The following TKTL1 variants were observed in gnomAD, a reference collection of about 807,000 sequenced individuals.
The protein encoded by TKTL1 is transketolase-like protein 1.
TKTL1 carries 1 observed loss-of-function variant against 39.3 expected under a neutral mutation model. That is an observed-to-expected ratio of 0.03 (90% CI 0.01 to 0.12). The LOEUF is 0.12. Ranked by LOEUF, TKTL1 falls within the 10% of genes least tolerant of loss-of-function variation. The pLI is 1.00. For synonymous variants in TKTL1, 262 were observed against 193.8 expected, an observed-to-expected ratio of 1.35 and a Z score of -2.92; for missense variants, 575 against 509.6, an observed-to-expected ratio of 1.13 and a Z score of -1.24.
chrX:154,307,255 G>A (rs782604814), intron 2 of TKTL1, among the ~76,000 whole-genome samples: 1 of 111,831 alleles, frequency 8.9e-6, no homozygotes, highest in South Asian at 3.7e-4. Context: ...TATAACAGCT[G>A]CTATCAGAGC....
At chrX:154,299,149 C>CTTTTTT (rs1180562974) in intron 1 of TKTL1, among the ~76,000 whole-genome samples, 3 of 35,921 alleles carry the variant, frequency 8.4e-5, no homozygotes, top group East Asian at 8.1e-4. Context: ...CTTTTTCTTT[C>CTTTTTT]TTTTTTTTTT....
chrX:154,310,160 G>C (rs781825388), intron 3 of TKTL1, among the ~76,000 whole-genome samples: 1 of 111,938 alleles, frequency 8.9e-6, no homozygotes, highest in Admixed American at 9.4e-5. Flanking sequence ...TGTAAGAACA[G>C]AACTAGCAGG....
intron 6 of TKTL1, among the ~76,000 whole-genome samples, chrX:154,313,819 A>G (rs1557168861): frequency 1.8e-5 from 2 of 109,539 alleles, no homozygotes; most frequent in Non-Finnish European, 3.8e-5. Flanking sequence ...ATATGGTTCC[A>G]GGTACTCTGG....
intron 1 of TKTL1, among the ~76,000 whole-genome samples, chrX:154,296,682 G>A (rs1301504646): frequency 2.7e-5 from 3 of 111,130 alleles, no homozygotes; most frequent in Non-Finnish European, 5.7e-5. Context: ...AAAGTGTAAT[G>A]CTGGCTTCAT....
chrX:154,321,644 C>T (rs1250051565), intron 8 of TKTL1, among the ~76,000 whole-genome samples: 1 of 107,915 alleles, frequency 9.3e-6, no homozygotes, highest in African/African-American at 3.4e-5. Context: ...GAGTCATTTT[C>T]GTGAATGACA....
chrX:154,326,511 C>T (rs1480276625), intron 10 of TKTL1, among the ~76,000 whole-genome samples: 1 of 112,489 alleles, frequency 8.9e-6, no homozygotes, highest in Non-Finnish European at 1.9e-5. Context: ...AAGGACTAGG[C>T]TGCTCCAGAA....
intron 6 of TKTL1, among the ~76,000 whole-genome samples, chrX:154,314,072 A>G (rs1459729650): frequency 3.6e-5 from 4 of 111,853 alleles, no homozygotes; most frequent in African/African-American, 1.3e-4. Context: ...AAAAACCTTA[A>G]ATGGATCAAT....
At chrX:154,327,362 C>T (rs782299805) in intron 10 of TKTL1, 1 of 548,001 alleles carries the variant, frequency 1.8e-6, no homozygotes, top group East Asian at 3.5e-5. Context: ...AAACCAGACT[C>T]CTGATGGGTA....
rs782663705 is a variant in TKTL1 at position 154,312,707 on chromosome X, C to A, written c.798C>A (p.Asp266Glu). ...TTGACCCACAGCCCCCCATTGAGGACTCACCTGAAGTCAACATCACAGATG... is the reference window on the plus strand; with the variant it reads ...TTGACCCACAGCCCCCCATTGAGGAATCACCTGAAGTCAACATCACAGATG... ...RNLDPQPPIE[D>E]SPEVNITDVR... Residue 266 changes from aspartate to glutamate, a missense_variant, in exon 6 of 13, where the codon GAC (aspartate) becomes GAA (glutamate). Asp to Glu is a conservative substitution (Grantham distance 45, BLOSUM62 2). Coordinates refer to ENST00000369915, the MANE Select transcript of TKTL1 (RefSeq NM_012253.4). 4 of 1,209,848 alleles carry A rather than the reference C, an allele frequency of 3.3e-6. No individual in the cohort carries two copies. The Admixed American group carries it at 8.8e-5, about 26-fold the overall frequency.
chrX:154,328,916 C>G (rs1276475273), intron 12 of TKTL1, among the ~76,000 whole-genome samples: 2 of 112,276 alleles, frequency 1.8e-5, no homozygotes, highest in East Asian at 5.6e-4. Context: ...CCAGCCTCCC[C>G]TTGGCCCCAC....
At chrX:154,313,656 C>T (rs2067375144) in intron 6 of TKTL1, among the ~76,000 whole-genome samples, 1 of 111,234 alleles carries the variant, frequency 9.0e-6, no homozygotes, top group African/African-American at 3.3e-5. Context: ...AAAGGGTGGG[C>T]CAGGCACAGT....
At position 154,323,217 on chromosome X, in the gene TKTL1, T is replaced by G. The variant is rs1557171260; in HGVS notation, c.1197T>G (p.Gly399=). 5.0e-6 allele frequency: 6 copies of G among 1,208,949 alleles called. No homozygotes were observed. In the Admixed American group the frequency reaches 1.1e-4, roughly 22 times the overall value. ...SHCGVSVGDD[G]ASQMALEDIA... ...CTCTGGTTCTCTCAGGTGACGATGG[T>G]GCTTCCCAGATGGCCCTGGAGGATA... is the stretch of plus-strand genomic sequence containing the variant. Residue 399 remains glycine (G), a synonymous_variant, in exon 9 of 13, where the codon GGT becomes GGG. Coordinates refer to ENST00000369915, the MANE Select transcript of TKTL1 (RefSeq NM_012253.4).
chrX:154,308,263 G>C (rs1475080829), intron 2 of TKTL1, among the ~76,000 whole-genome samples: 2 of 111,979 alleles, frequency 1.8e-5, no homozygotes, highest in Non-Finnish European at 3.8e-5. Flanking sequence ...AGAGTGAGCT[G>C]TGCCCACATC....
At position 154,315,323 on chromosome X, in the gene TKTL1, G is replaced by T. The variant is rs781989990; in HGVS notation, c.1015G>T (p.Ala339Ser). 1 of 1,209,896 alleles carries T rather than the reference G, an allele frequency of 8.3e-7. No individual in the cohort carries two copies. Among genetic ancestry groups the T allele is most frequent in the South Asian group, 1.8e-5 (1 of 56,693 alleles). Reference protein sequence around the residue: ...YPERFIECFMAEQNMVSVALG... With the variant: ...YPERFIECFMSEQNMVSVALG... ...TGAGCGCTTCATCGAGTGCTTTATGGCTGAACAAAACATGGTGAGTGTGTA... is the reference window on the plus strand; with the variant it reads ...TGAGCGCTTCATCGAGTGCTTTATGTCTGAACAAAACATGGTGAGTGTGTA... Residue 339 changes from alanine (A) to serine (S), a missense_variant, in exon 7 of 13, where the codon GCT becomes TCT. Physicochemically the swap from Ala to Ser is moderately conservative, Grantham distance 99. Transcript: ENST00000369915.
intron 1 of TKTL1, among the ~76,000 whole-genome samples, chrX:154,300,608 G>T (rs1325235834): frequency 8.9e-6 from 1 of 111,940 alleles, no homozygotes. Flanking sequence ...CTACTGATTT[G>T]TGTGCATTTA....
chrX:154,318,454 CT>C, intron 7 of TKTL1, among the ~76,000 whole-genome samples: 1 of 107,981 alleles, frequency 9.3e-6, no homozygotes, highest in South Asian at 4.1e-4. Context: ...AATCCCAGCA[CT>C]TTGGGAGGCC....
chrX:154,308,539 G>T (rs1186045030), intron 2 of TKTL1, among the ~76,000 whole-genome samples: 2 of 112,093 alleles, frequency 1.8e-5, no homozygotes, highest in African/African-American at 6.5e-5. Context: ...ATTGAGAATG[G>T]CTGTGGGGGA....
intron 7 of TKTL1, among the ~76,000 whole-genome samples, chrX:154,316,137 T>C (rs1327033475): frequency 9.0e-6 from 1 of 111,620 alleles, no homozygotes; most frequent in Non-Finnish European, 1.9e-5. Flanking sequence ...AGTGGAGTGC[T>C]CAGCTCACTG....
intron 3 of TKTL1, 96 bp downstream of exon 3, chrX:154,309,538 G>T (rs1256117953): frequency 1.4e-6 from 1 of 718,270 alleles, no homozygotes; most frequent in Non-Finnish European, 2.2e-6. Context: ...GATGTGGAGA[G>T]CCCTGAAGGG....
Sources: gnomAD v4.1 joint callset for allele counts (sites outside exome capture counted in the v4.1 genomes callset) on GRCh38, gnomAD v4.1.1 for gene constraint, MANE v1.5 for transcripts, NCBI Gene and HGNC (gene_info 2026-07-23, HGNC 2026-07-21) for gene names.